APP: variants seen among roughly 807,000 people sequenced by gnomAD.
APP encodes amyloid-beta precursor protein.
A neutral mutation model predicts 101.4 loss-of-function variants in APP; 31 were observed. The ratio of observed to expected loss-of-function variants is 0.31; its 90% CI spans 0.23 to 0.41. The LOEUF (loss-of-function observed/expected upper bound fraction) is 0.41. Ranked by LOEUF, APP falls within the 10% of genes least tolerant of loss-of-function variation. The pLI is 1.00. For synonymous variants in APP, 366 were observed against 364.4 expected (o/e 1.00, Z -0.05); for missense variants, 839 against 1,003.7 (o/e 0.84, Z 2.22).
intron 9 of APP, 95 bp downstream of exon 9, chr21:25,982,249 T>C (rs1025405431): frequency 5.2e-6 from 7 of 1,349,892 alleles, no homozygotes; most frequent in East Asian, 4.6e-5. Flanking sequence ...TTTAAAGATC[T>C]TGATAAAGCC....
chr21:25,904,994 G>A (rs199707780), intron 15 of APP, 30 bp downstream of exon 15: 46 of 1,607,746 alleles, frequency 2.9e-5, no homozygotes, highest in Admixed American at 5.0e-5. Flanking sequence ...CCCAAGATGC[G>A]GAGAGGCACA....
intron 3 of APP, among the ~76,000 whole-genome samples, chr21:26,067,923 A>C (rs557242516): frequency 2.6e-5 from 4 of 152,144 alleles, no homozygotes; most frequent in African/African-American, 9.6e-5. Flanking sequence ...TATTTAAAAA[A>C]AAAAAACAAA....
At chr21:25,921,445 G>GT (rs2039636624) in intron 13 of APP, among the ~76,000 whole-genome samples, 1 of 146,900 alleles carries the variant, frequency 6.8e-6, no homozygotes, top group African/African-American at 2.5e-5. Flanking sequence ...CCAGGAGCTG[G>GT]TTTTTTGAAA....
intron 13 of APP, among the ~76,000 whole-genome samples, chr21:25,927,064 CTT>C (rs1482941486): frequency 6.8e-6 from 1 of 146,548 alleles, no homozygotes; most frequent in East Asian, 2.1e-4. Context: ...CAAGCACCCT[CTT>C]TTTCATACAT....
At chr21:25,969,357 A>G (rs1333372879) in intron 11 of APP, among the ~76,000 whole-genome samples, 1 of 150,528 alleles carries the variant, frequency 6.6e-6, no homozygotes, top group Non-Finnish European at 1.5e-5. Context: ...CAAAAAAAAA[A>G]AAAAAAAAAA....
intron 3 of APP, 178 bp from the exon 4 acceptor site, chr21:26,053,526 G>A (rs1199156552): frequency 3.0e-5 from 16 of 537,594 alleles, no homozygotes; most frequent in South Asian, 6.8e-5. Flanking sequence ...AAGCAACTCC[G>A]TTTCTTGCCA....
intron 5 of APP, among the ~76,000 whole-genome samples, chr21:26,046,567 A>G (rs2045620021): frequency 6.6e-6 from 1 of 152,116 alleles, no homozygotes. Context: ...AAATCATCTA[A>G]TTATCCAGAA....
chr21:26,048,377 C>A (rs930068932), intron 5 of APP, among the ~76,000 whole-genome samples: 1 of 151,878 alleles, frequency 6.6e-6, no homozygotes, highest in Admixed American at 6.6e-5. Flanking sequence ...TTAGACAGTT[C>A]TTTGCTAAAA....
At chr21:26,054,375 A>G (rs1057501167) in intron 3 of APP, among the ~76,000 whole-genome samples, 3 of 152,166 alleles carry the variant, frequency 2.0e-5, no homozygotes, top group Non-Finnish European at 4.4e-5. Context: ...GAACTCTATT[A>G]TAGAATCCAA....
intron 5 of APP, among the ~76,000 whole-genome samples, chr21:26,049,438 G>A (rs980233332): frequency 4.6e-5 from 7 of 152,086 alleles, no homozygotes; most frequent in African/African-American, 1.4e-4. Context: ...AGAGAGTTAC[G>A]CTGGGAACCA....
At chr21:25,918,339 T>C (rs1317512075) in intron 13 of APP, among the ~76,000 whole-genome samples, 5 of 152,226 alleles carry the variant, frequency 3.3e-5, no homozygotes, top group South Asian at 2.1e-4. Context: ...CATGGAATAC[T>C]ATGCAGCCAT....
chr21:26,111,678 A>T (rs1336101370), intron 2 of APP, among the ~76,000 whole-genome samples: 1 of 152,170 alleles, frequency 6.6e-6, no homozygotes, highest in Non-Finnish European at 1.5e-5. Context: ...TCAAGGCTAC[A>T]GTAAGCCATA....
rs746717165 is a variant in APP at position 26,051,000 on chromosome 21, C to T, written c.662G>A (p.Ser221Asn). 14 of 1,614,134 alleles carry T rather than the reference C, an allele frequency of 8.7e-6. No individual in the cohort carries two copies. Among genetic ancestry groups the T allele is most frequent in the Middle Eastern group, 1.7e-4 (1 of 6,042 alleles). Residue 221 changes from serine to asparagine, a missense_variant and splice_region_variant, in exon 5 of 18, where the codon AGT becomes AAT. Transcript: ENST00000346798. ...AGGCTGAACACAAAGGCCACCTTAC[C>T]TCCCATCTGCATAGTCTGTGTCTGC... ...GGADTDYADG[S>N]EDKVVEVAEE...
At chr21:26,029,241 T>A (rs1459995407) in intron 5 of APP, among the ~76,000 whole-genome samples, 2 of 152,152 alleles carry the variant, frequency 1.3e-5, no homozygotes, top group Non-Finnish European at 2.9e-5. Flanking sequence ...GTTGCAATGA[T>A]GTCTCTGGCT....
chr21:25,924,434 A>AAAAAAAAAAAGAAAAT (rs1569061869), intron 13 of APP, among the ~76,000 whole-genome samples: 1 of 123,740 alleles, frequency 8.1e-6, no homozygotes, highest in African/African-American at 2.9e-5. Context: ...AAAAGGAAAA[A>AAAAAAAAAAAGAAAAT]AAAAAAGGTT....
intron 5 of APP, among the ~76,000 whole-genome samples, chr21:26,029,034 G>T (rs1168735190): frequency 1.3e-5 from 2 of 152,094 alleles, no homozygotes; most frequent in African/African-American, 4.8e-5. Flanking sequence ...GGCTGAGGCA[G>T]GGGTAAGAGC....
chr21:26,088,414 A>G (rs1252702195), intron 3 of APP, among the ~76,000 whole-genome samples: 4 of 152,224 alleles, frequency 2.6e-5, no homozygotes, highest in Non-Finnish European at 5.9e-5. Context: ...AATAATGCCC[A>G]TCCAAAGCCC....
intron 3 of APP, among the ~76,000 whole-genome samples, chr21:26,062,112 A>C (rs1201178031): frequency 6.6e-6 from 1 of 151,836 alleles, no homozygotes; most frequent in Non-Finnish European, 1.5e-5. Flanking sequence ...CGGGAGGCTG[A>C]GGCCGAAGAA....
chr21:25,885,925 C>A (rs1465092070), intron 17 of APP, among the ~76,000 whole-genome samples: 1 of 152,094 alleles, frequency 6.6e-6, no homozygotes, highest in Non-Finnish European at 1.5e-5. Context: ...CCTCCTATTG[C>A]CCCTAGAGTA....
Sources: allele counts gnomAD v4.1 joint callset (sites outside exome capture counted in the v4.1 genomes callset), GRCh38; gene constraint gnomAD v4.1.1; transcripts MANE v1.5; gene names NCBI Gene and HGNC (gene_info 2026-07-23, HGNC 2026-07-21).